RPH3A: variants seen among roughly 807,000 people sequenced by gnomAD.
RPH3A encodes rabphilin 3A.
In RPH3A, 48 loss-of-function variants were observed where a neutral mutation model predicts 102.2. That is an observed-to-expected ratio of 0.47 (90% CI 0.37 to 0.60). The LOEUF is 0.60. Among genes scored for constraint, RPH3A ranks in the 20% least tolerant of loss-of-function variants. The pLI is 0.00. For missense variants in RPH3A, 781 were observed against 910.1 expected, an observed-to-expected ratio of 0.86 and a Z score of 1.83; for synonymous variants, 310 against 324.3, an observed-to-expected ratio of 0.96 and a Z score of 0.47.
chr12:112,870,672 A>G (rs2042693524), intron 10 of RPH3A, among the ~76,000 whole-genome samples: 1 of 152,172 alleles, frequency 6.6e-6, no homozygotes, highest in African/African-American at 2.4e-5. Context: ...TCTGGGTCTA[A>G]GTCAGATTGG....
chr12:112,867,731 A>G (rs2042636320), intron 7 of RPH3A, among the ~76,000 whole-genome samples: 1 of 152,236 alleles, frequency 6.6e-6, no homozygotes. Flanking sequence ...AAGGAAATAA[A>G]TACCGTAGTC....
At chr12:112,634,198 A>G (rs60411847) in intron 1 of RPH3A, among the ~76,000 whole-genome samples, 83,779 of 105,728 alleles carry the variant, frequency 0.79, 33,222 homozygotes, top group African/African-American at 0.9. Context: ...AATACAAAAA[A>G]TTAGCCGGGC....
chr12:112,804,035 A>T (rs1003422968), intron 2 of RPH3A, among the ~76,000 whole-genome samples: 2 of 152,228 alleles, frequency 1.3e-5, no homozygotes, highest in African/African-American at 4.8e-5. Flanking sequence ...TAGGACTTGA[A>T]TTTTTTTAAA....
chr12:112,591,353 T>G (rs538071332), intron 1 of RPH3A, among the ~76,000 whole-genome samples: 352 of 152,362 alleles, frequency 2.3e-3, no homozygotes, highest in Non-Finnish European at 3.7e-3. Flanking sequence ...CTCAAAGTGC[T>G]GGGATTGCAA....
intron 5 of RPH3A, among the ~76,000 whole-genome samples, chr12:112,861,386 C>A (rs753579649): frequency 6.6e-6 from 1 of 152,162 alleles, no homozygotes; most frequent in Admixed American, 6.5e-5. Flanking sequence ...CTAGAACCAG[C>A]CAGGGTAACT....
intron 2 of RPH3A, among the ~76,000 whole-genome samples, chr12:112,798,182 G>A (rs2136098559): frequency 6.6e-6 from 1 of 152,308 alleles, no homozygotes; most frequent in African/African-American, 2.4e-5. Flanking sequence ...TCAGACTCTG[G>A]TTTAGTAATC....
At chr12:112,737,327 C>T (rs548147880) in intron 1 of RPH3A, among the ~76,000 whole-genome samples, 10 of 152,194 alleles carry the variant, frequency 6.6e-5, no homozygotes, top group Admixed American at 6.5e-4. Context: ...CACTTAGCCT[C>T]AGTTTCCCCA....
chr12:112,842,440 T>G (rs1293479741), intron 4 of RPH3A, among the ~76,000 whole-genome samples: 1 of 152,192 alleles, frequency 6.6e-6, no homozygotes, highest in Non-Finnish European at 1.5e-5. Context: ...GGCTCAGAGA[T>G]GCTATGTAAC....
At chr12:112,855,989 CT>C (rs2042404218) in intron 5 of RPH3A, among the ~76,000 whole-genome samples, 1 of 152,138 alleles carries the variant, frequency 6.6e-6, no homozygotes. Flanking sequence ...CACTCTCCCA[CT>C]TTGCTGCGTT....
chr12:112,779,580 C>G (rs1180604902), intron 1 of RPH3A, among the ~76,000 whole-genome samples: 6 of 152,036 alleles, frequency 3.9e-5, no homozygotes, highest in Non-Finnish European at 5.9e-5. Flanking sequence ...TGATCATCAC[C>G]CCCTTCCATT....
At chr12:112,856,197 C>A (rs1245305365) in intron 5 of RPH3A, among the ~76,000 whole-genome samples, 1 of 152,110 alleles carries the variant, frequency 6.6e-6, no homozygotes, top group Non-Finnish European at 1.5e-5. Context: ...ATGAAGCCTA[C>A]TTTCTGGGAC....
intron 4 of RPH3A, chr12:112,837,886 C>T: frequency 4.4e-6 from 2 of 451,012 alleles, no homozygotes; most frequent in Non-Finnish European, 8.9e-6. Flanking sequence ...TTCCCCCCTC[C>T]CTCCCTCCTT....
chr12:112,743,290 A>G (rs1046967860), intron 1 of RPH3A, among the ~76,000 whole-genome samples: 3 of 152,208 alleles, frequency 2.0e-5, no homozygotes, highest in African/African-American at 7.2e-5. Context: ...CAGGCTCCGC[A>G]TTTGTTCACT....
At chr12:112,800,730 A>G (rs1041353231) in intron 2 of RPH3A, among the ~76,000 whole-genome samples, 1 of 152,046 alleles carries the variant, frequency 6.6e-6, no homozygotes, top group Admixed American at 6.5e-5. Flanking sequence ...ATAAGGGGAG[A>G]AGGCCAGAGC....
In RPH3A at chr12:112,782,675, C is replaced by T. The variant is rs79180929; in HGVS notation, c.-139-9468C>T. ...CAGGGACTGTATTTATGAATGGAGT[C>T]ATCTTTTCTATTTCTCCTTATTTTC... On this transcript the variant is annotated intron_variant, in intron 1 of 21. Transcript: ENST00000543106. 2.1e-3 allele frequency among the ~76,000 whole-genome samples: 317 copies of T among 152,278 alleles called. 1 individual carries two copies. Among genetic ancestry groups the T allele is most frequent in the Non-Finnish European group, 3.9e-3 (264 of 68,012 alleles).
chr12:112,616,376 A>G (rs2039679755), intron 1 of RPH3A, among the ~76,000 whole-genome samples: 1 of 152,038 alleles, frequency 6.6e-6, no homozygotes, highest in Admixed American at 6.6e-5. Flanking sequence ...CGAACTCCTG[A>G]CCTCAAGTGA....
intron 20 of RPH3A, 89 bp from the exon 21 acceptor site, chr12:112,895,688 G>T: frequency 1.2e-6 from 1 of 851,244 alleles, no homozygotes. Context: ...CCTCTCCTTG[G>T]CCCATAACCC....
intron 3 of RPH3A, among the ~76,000 whole-genome samples, chr12:112,831,103 A>AT (rs34625027): frequency 0.024 from 3,448 of 144,392 alleles, 89 homozygotes; most frequent in East Asian, 0.08. Flanking sequence ...TGGGCATGGC[A>AT]TTTTTTTTTT....
chr12:112,702,627 C>T lies in RPH3A; in HGVS notation c.-139-89516C>T, dbSNP rs111384259. Among the ~76,000 whole-genome samples, 6 of 152,280 alleles carry T rather than the reference C, an allele frequency of 3.9e-5. 2 individuals are homozygous for T. The highest frequency in any genetic ancestry group is 1.4e-4 in the African/African-American group (6 of 41,554). ...GACTAGAGTGAAGGAATGGCTGTAA[C>T]TGAGGAGTAAAGAAGAGTGACTGAA... On this transcript the variant is annotated intron_variant, in intron 1 of 21. Transcript: ENST00000543106.
Sources: gnomAD v4.1 joint callset for allele counts (sites outside exome capture counted in the v4.1 genomes callset) on GRCh38, gnomAD v4.1.1 for gene constraint, MANE v1.5 for transcripts, NCBI Gene and HGNC (gene_info 2026-07-23, HGNC 2026-07-21) for gene names.